ABHD17C: variants seen among roughly 807,000 people sequenced by gnomAD.
ABHD17C encodes abhydrolase domain containing 17C, depalmitoylase, also known as alpha/beta hydrolase domain-containing protein 17C.
ABHD17C carries 11 observed loss-of-function variants against 27.9 expected under a neutral mutation model. The ratio of observed to expected loss-of-function variants is 0.39; its 90% CI spans 0.25 to 0.65. ABHD17C has a LOEUF of 0.65. Ranked by LOEUF, ABHD17C falls within the 30% of genes least tolerant of loss-of-function variation. The pLI is 0.45. For synonymous variants in ABHD17C, 233 were observed against 209.1 expected, an observed-to-expected ratio of 1.11 and a Z score of -0.98; for missense variants, 280 against 470.2, an observed-to-expected ratio of 0.60 and a Z score of 3.74.
intron 1 of ABHD17C, among the ~76,000 whole-genome samples, chr15:80,747,001 TTTA>T (rs1158660630): frequency 2.0e-5 from 3 of 152,256 alleles, no homozygotes; most frequent in Non-Finnish European, 2.9e-5. Flanking sequence ...AGTCTTTTAC[TTTA>T]TTTTTGATAT....
At chr15:80,720,920 CAAA>C (rs563220446) in intron 1 of ABHD17C, among the ~76,000 whole-genome samples, 9 of 121,650 alleles carry the variant, frequency 7.4e-5, no homozygotes, top group Non-Finnish European at 8.6e-5. Flanking sequence ...GACTCTGTCT[CAAA>C]AAAAAAAAAA....
chr15:80,705,333 T>TTGTG (rs1555421862), intron 1 of ABHD17C, among the ~76,000 whole-genome samples: 15 of 106,820 alleles, frequency 1.4e-4, no homozygotes, highest in South Asian at 3.5e-4. Context: ...TTCCTATGAT[T>TTGTG]TGTGTGTGTG....
intron 1 of ABHD17C, among the ~76,000 whole-genome samples, chr15:80,698,408 G>A (rs1409354115): frequency 1.3e-5 from 2 of 152,164 alleles, no homozygotes; most frequent in Non-Finnish European, 2.9e-5. Flanking sequence ...GTTGTGAATT[G>A]CTAAATTTAT....
At chr15:80,712,118 C>T (rs1485337691) in intron 1 of ABHD17C, among the ~76,000 whole-genome samples, 1 of 152,156 alleles carries the variant, frequency 6.6e-6, no homozygotes, top group Non-Finnish European at 1.5e-5. Flanking sequence ...GCCCTTATCC[C>T]CTGGTCCTTT....
intron 2 of ABHD17C, among the ~76,000 whole-genome samples, chr15:80,752,347 T>C (rs1476923289): frequency 6.6e-6 from 1 of 152,234 alleles, no homozygotes; most frequent in African/African-American, 2.4e-5. Flanking sequence ...TTGCAATCTT[T>C]CTGGGATGTC....
At chr15:80,749,852 G>C (rs971935209) in intron 2 of ABHD17C, among the ~76,000 whole-genome samples, 160 bp downstream of exon 2, 2 of 152,222 alleles carry the variant, frequency 1.3e-5, no homozygotes, top group East Asian at 3.8e-4. Context: ...GACACACACT[G>C]TCCAGAGATT....
rs553055567 is a variant in ABHD17C, at chr15:80,716,364, A to T, written c.590+20345A>T. 2.0e-5 allele frequency among the ~76,000 whole-genome samples: 3 copies of T among 152,110 alleles called. No individual in the cohort carries two copies. In the South Asian group the frequency reaches 6.3e-4, roughly 32 times the overall value. On this transcript the variant is annotated intron_variant, in intron 1 of 2. Coordinates refer to ENST00000258884, the MANE Select transcript of ABHD17C (RefSeq NM_021214.2). ...CGACATGCTTCTGTCTCAAGACCAC[A>T]GGGACAGCCGCGTAAGACAAGGCCT... is the stretch of plus-strand genomic sequence containing the variant.
chr15:80,712,231 G>A (rs1281746640), intron 1 of ABHD17C, among the ~76,000 whole-genome samples: 5 of 152,234 alleles, frequency 3.3e-5, no homozygotes, highest in Non-Finnish European at 4.4e-5. Context: ...CAGTACAATA[G>A]TTCTTGTGTC....
At chr15:80,727,349 C>T (rs1241348769) in intron 1 of ABHD17C, among the ~76,000 whole-genome samples, 2 of 152,148 alleles carry the variant, frequency 1.3e-5, no homozygotes, top group Non-Finnish European at 2.9e-5. Context: ...GAAATTCAAA[C>T]TATCTGGTTG....
intron 1 of ABHD17C, among the ~76,000 whole-genome samples, chr15:80,715,303 C>T (rs939746256): frequency 6.6e-6 from 1 of 152,162 alleles, no homozygotes; most frequent in Non-Finnish European, 1.5e-5. Flanking sequence ...TGATTCTGAT[C>T]AGAGGAAGAT....
At chr15:80,741,992 C>T (rs900698105) in intron 1 of ABHD17C, among the ~76,000 whole-genome samples, 1 of 152,094 alleles carries the variant, frequency 6.6e-6, no homozygotes, top group African/African-American at 2.4e-5. Flanking sequence ...CGGAGTGGGA[C>T]AATGTGAGAT....
chr15:80,723,250 C>A (rs1216399756), intron 1 of ABHD17C, among the ~76,000 whole-genome samples: 1 of 152,004 alleles, frequency 6.6e-6, no homozygotes, highest in African/African-American at 2.4e-5. Context: ...GCTGCCAAGG[C>A]TGTTACATGT....
chr15:80,751,604 C>G (rs1238498484), intron 2 of ABHD17C, among the ~76,000 whole-genome samples: 1 of 152,140 alleles, frequency 6.6e-6, no homozygotes. Context: ...ACAAGTTAGC[C>G]AGCCATAGTG....
At chr15:80,711,490 G>A (rs544514824) in intron 1 of ABHD17C, among the ~76,000 whole-genome samples, 18 of 152,314 alleles carry the variant, frequency 1.2e-4, no homozygotes, top group African/African-American at 3.8e-4. Context: ...ATGCACTGCA[G>A]TTTTGCCAGA....
chr15:80,749,464 CTCTT>C, intron 1 of ABHD17C, 45 bp from the exon 2 acceptor site: 14 of 1,583,106 alleles, frequency 8.8e-6, no homozygotes, highest in Non-Finnish European at 1.2e-5. Flanking sequence ...GTCCCTTTCT[CTCTT>C]TCTTCATACC....
At chr15:80,725,983 G>T (rs540502176) in intron 1 of ABHD17C, among the ~76,000 whole-genome samples, 1 of 152,166 alleles carries the variant, frequency 6.6e-6, no homozygotes, top group Admixed American at 6.5e-5. Context: ...CTTCAGAGCC[G>T]AGAGCCCCGA....
At chr15:80,729,228 T>A (rs930043104) in intron 1 of ABHD17C, among the ~76,000 whole-genome samples, 1 of 152,204 alleles carries the variant, frequency 6.6e-6, no homozygotes. Flanking sequence ...AGCCAGCATG[T>A]ATGCGTGTAA....
In ABHD17C at chr15:80,698,061, C is replaced by CTTTT. The variant is rs34987348; in HGVS notation, c.590+2060_590+2063dup. ...TAGCAGAATATGTTGTTTTATTTCACTTTTTTTTTTTTTTTTTTTTTGAGA... is the reference window on the plus strand; with the variant it reads ...TAGCAGAATATGTTGTTTTATTTCACTTTTTTTTTTTTTTTTTTTTTTTTTGAGA... On this transcript the variant is annotated intron_variant, in intron 1 of 2. Coordinates refer to ENST00000258884, the MANE Select transcript of ABHD17C (RefSeq NM_021214.2). Among the ~76,000 whole-genome samples the CTTTT allele has an allele frequency of 1.0e-4, 10 of 97,034 alleles. 1 individual carries two copies. Among genetic ancestry groups the CTTTT allele is most frequent in the East Asian group, 7.9e-4 (3 of 3,794 alleles). The allele number at this position is 97,034 out of a possible 152,430, so 63.7% of individuals were successfully genotyped here. A position where few individuals can be genotyped will look rare whatever the true frequency, so the allele number is the denominator to read the frequency against.
At chr15:80,720,975 G>A (rs915617400) in intron 1 of ABHD17C, among the ~76,000 whole-genome samples, 2 of 151,174 alleles carry the variant, frequency 1.3e-5, no homozygotes, top group Admixed American at 6.6e-5. Flanking sequence ...GGCCCTTACC[G>A]ACTGAAGACT....
Sources: gnomAD v4.1 joint callset for allele counts (sites outside exome capture counted in the v4.1 genomes callset) on GRCh38, gnomAD v4.1.1 for gene constraint, MANE v1.5 for transcripts, NCBI Gene and HGNC (gene_info 2026-07-23, HGNC 2026-07-21) for gene names.